Variants in EXD1 observed in about 807,000 individuals in gnomAD.
EXD1 encodes exonuclease 3'-5' domain containing 1.
EXD1 carries 63 observed loss-of-function variants against 49.1 expected under a neutral mutation model. The ratio of observed to expected loss-of-function variants is 1.28; its 90% confidence interval spans 1.05 to 1.58. The LOEUF is 1.58. EXD1 is among the 40% of genes most tolerant of loss of function. EXD1 has a pLI of 0.00. For synonymous variants in EXD1, 234 were observed against 239.2 expected (o/e 0.98, Z 0.20); for missense variants, 748 against 666.0 (o/e 1.12, Z -1.36).
At chr15:41,209,454 T>C (rs1157498525) in intron 7 of EXD1, 47 bp downstream of exon 7, 1 of 1,532,760 alleles carries the variant, frequency 6.5e-7, no homozygotes, top group South Asian at 1.2e-5. Flanking sequence ...AATCTACCAG[T>C]GGCTCTATAA....
In EXD1 at chr15:41,195,848, T is replaced by C; in HGVS notation, c.647A>G (p.His216Arg). 1.2e-6 allele frequency: 2 copies of C among 1,613,380 alleles called. No individual in the cohort carries two copies. Among genetic ancestry groups the C allele is most frequent in the African/African-American group, 1.3e-5 (1 of 74,978 alleles). Residue 216 changes from histidine (H) to arginine (R), a missense_variant, in exon 9 of 12, where the codon CAT (histidine) becomes CGT (arginine). By Grantham distance (29) the His-to-Arg change is conservative. Transcript: ENST00000458580. ...GCAATCAGAAAGCCAACGACAATCA[T>C]GGATAACCTAAGGAATCAGAAGGAA... ...LEDKRILKVIHDCRWLSDCLS... is the reference protein window; with the variant it reads ...LEDKRILKVIRDCRWLSDCLS...
At position 41,190,051 on chromosome 15, in the gene EXD1, C is replaced by T. The variant is rs1212091376; in HGVS notation, c.942G>A (p.Leu314=). Residue 314 remains leucine, a synonymous_variant, in exon 11 of 12, where the codon CTG becomes CTA. Coordinates refer to ENST00000458580, the MANE Select transcript of EXD1 (RefSeq NM_001286441.2). ...LKILALEATY[L]LPLRLALLDE... ...CTAGGAGTGCCAAGCGAAGGGGTAA[C>T]AGGTAGGTAGCTTCCAGGGCCAAAA... The T allele has an allele frequency of 3.1e-6, 5 of 1,614,106 alleles. No individual in the cohort carries two copies. Among genetic ancestry groups the T allele is most frequent in the Non-Finnish European group, 4.2e-6 (5 of 1,180,018 alleles).
chr15:41,184,658 C>CCT lies in EXD1; in HGVS notation c.1057-66_1057-65insAG, dbSNP rs111604343. 2.6e-3 allele frequency: 3,286 copies of CCT among 1,260,324 alleles called. 5 individuals are homozygous for CCT. Among genetic ancestry groups the CCT allele is most frequent in the Middle Eastern group, 6.0e-3 (24 of 3,972 alleles). 78.1% of individuals were successfully genotyped at this position (1,260,324 alleles called of 1,614,324 possible). On this transcript the variant is annotated intron_variant, in intron 11 of 11. Transcript: ENST00000458580. ...CTTCTGAATATGGTACTTAAAATCA[C>CCT]TTTTTTTTTTTTTTGAGATGGAGTC...
At chr15:41,221,722 C>G (rs2047091202) in intron 2 of EXD1, among the ~76,000 whole-genome samples, 1 of 151,948 alleles carries the variant, frequency 6.6e-6, no homozygotes, top group South Asian at 2.1e-4. Flanking sequence ...TTTGAATGAT[C>G]ATACCCACTT....
At chr15:41,191,173 G>A (rs1217666251) in intron 10 of EXD1, among the ~76,000 whole-genome samples, 7 of 152,014 alleles carry the variant, frequency 4.6e-5, no homozygotes, top group African/African-American at 9.7e-5. Flanking sequence ...TGATCCGCCC[G>A]CCTCAGCCTC....
In EXD1 at chr15:41,191,564, A is replaced by C; in HGVS notation, c.742T>G (p.Ser248Ala). 1 of 1,614,082 alleles carries C rather than the reference A, an allele frequency of 6.2e-7. No homozygotes were observed. Among genetic ancestry groups the C allele is most frequent in the Non-Finnish European group, 8.5e-7 (1 of 1,180,016 alleles). The change falls in exon 10 of 12, where the codon TCC (serine) becomes GCC (alanine). Residue 248 changes from serine to alanine, a missense_variant. Transcript: ENST00000458580. ...DTQVADVLQFSMETGGYLPNC... is the reference protein window; with the variant it reads ...DTQVADVLQFAMETGGYLPNC... Reference sequence around the variant, plus strand: ...GGAAGATAGCCACCCGTTTCCATGGAAAACTGAAGTACATCTGCTACCTGT... The same window carrying C: ...GGAAGATAGCCACCCGTTTCCATGGCAAACTGAAGTACATCTGCTACCTGT...
intron 6 of EXD1, among the ~76,000 whole-genome samples, 157 bp from the exon 7 acceptor site, chr15:41,209,744 CA>C (rs1177085446): frequency 2.0e-5 from 3 of 151,456 alleles, no homozygotes; most frequent in African/African-American, 7.3e-5. Context: ...CTGTTTTACA[CA>C]TGCAAATAAA....
At chr15:41,228,689 G>C (rs975000064) in intron 1 of EXD1, among the ~76,000 whole-genome samples, 1 of 152,052 alleles carries the variant, frequency 6.6e-6, no homozygotes, top group Non-Finnish European at 1.5e-5. Flanking sequence ...GCCCTTAATA[G>C]AGGCAAACAT....
In EXD1 at chr15:41,191,531, T is replaced by A; in HGVS notation, c.775A>T (p.Ile259Phe). The A allele has an allele frequency of 6.2e-7, 1 of 1,614,110 alleles. No homozygotes were observed. Among genetic ancestry groups the A allele is most frequent in the Non-Finnish European group, 8.5e-7 (1 of 1,179,952 alleles). The change falls in exon 10 of 12, where the codon ATC becomes TTC. Residue 259 changes from isoleucine (I) to phenylalanine (F), a missense_variant. Ile to Phe is a conservative substitution (Grantham distance 21, BLOSUM62 0). Coordinates refer to ENST00000458580, the MANE Select transcript of EXD1 (RefSeq NM_001286441.2). The part of the protein sequence containing the change: ...METGGYLPNC[I>F]TTLQESLIKH... ...ATTAAACTCTCCTGCAAAGTAGTGA[T>A]GCAGTTTGGAAGATAGCCACCCGTT...
Position 41,194,504 on chromosome 15 carries a change from G to T in EXD1, c.720+1271C>A, listed in dbSNP as rs2046580394. 5.3e-5 allele frequency among the ~76,000 whole-genome samples: 8 copies of T among 152,136 alleles called. 1 individual carries two copies. The highest frequency in any genetic ancestry group is 5.2e-4 in the Admixed American group (8 of 15,254). On this transcript the variant is annotated intron_variant, in intron 9 of 11. Transcript: ENST00000458580. ...AACTCTCTCTTCAGAAGAGCCTCTA[G>T]AAGAAATCAGCCCTGCAAGACACCT...
intron 6 of EXD1, among the ~76,000 whole-genome samples, chr15:41,210,150 A>G (rs77761340): frequency 0.16 from 24,532 of 152,110 alleles, 3,650 homozygotes; most frequent in African/African-American, 0.39. Flanking sequence ...CCTGACCTCA[A>G]GTGATCTACC....
chr15:41,200,407 C>T (rs1161836719), intron 7 of EXD1, among the ~76,000 whole-genome samples: 1 of 152,026 alleles, frequency 6.6e-6, no homozygotes, highest in Non-Finnish European at 1.5e-5. Context: ...CCTGTAGTCC[C>T]AGCTAGTCGG....
chr15:41,214,163 AAAAAC>A (rs1211903575), intron 6 of EXD1, among the ~76,000 whole-genome samples: 1 of 151,892 alleles, frequency 6.6e-6, no homozygotes, highest in South Asian at 2.1e-4. Context: ...ACTCCATCTC[AAAAAC>A]AAAACAAAAC....
intron 11 of EXD1, among the ~76,000 whole-genome samples, chr15:41,188,669 G>C (rs561204408): frequency 6.6e-6 from 1 of 151,888 alleles, no homozygotes; most frequent in Non-Finnish European, 1.5e-5. Context: ...TGGGATTACA[G>C]GTATGAGCCA....
At position 41,195,992 on chromosome 15, in the gene EXD1, C is replaced by G; in HGVS notation, c.580G>C (p.Gly194Arg). ...RVYLFDIFLL[G>R]SRAFHNGLQM... ...AGTCCATTGTGGAAAGCTCGACTTC[C>G]CAGAAGGAAAATGTCAAATAAGTAA... Residue 194 changes from glycine to arginine, a missense_variant, in exon 8 of 12, where the codon GGA (glycine) becomes CGA (arginine). Transcript: ENST00000458580. 6.2e-7 allele frequency: 1 copy of G among 1,613,196 alleles called. No homozygotes were observed.
chr15:41,199,433 A>C (rs1266474457), intron 7 of EXD1, among the ~76,000 whole-genome samples: 1 of 150,076 alleles, frequency 6.7e-6, no homozygotes, highest in Non-Finnish European at 1.5e-5. Flanking sequence ...CAAAAAAAAA[A>C]ACACAAAAGG....
At chr15:41,195,292 G>A (rs1319267729) in intron 9 of EXD1, among the ~76,000 whole-genome samples, 1 of 152,160 alleles carries the variant, frequency 6.6e-6, no homozygotes, top group Non-Finnish European at 1.5e-5. Context: ...GTCCCCTAGA[G>A]GACAGACAAA....
chr15:41,186,470 C>CAAAAAAAAAAAA (rs58793050), intron 11 of EXD1, among the ~76,000 whole-genome samples: 23,556 of 66,500 alleles, frequency 0.35, 5,316 homozygotes, highest in East Asian at 0.47. Context: ...GACTCTGTCT[C>CAAAAAAAAAAAA]AAAAAAAAAA....
intron 11 of EXD1, among the ~76,000 whole-genome samples, chr15:41,189,053 T>C (rs1021433639): frequency 1.3e-5 from 2 of 151,942 alleles, no homozygotes; most frequent in Non-Finnish European, 2.9e-5. Context: ...TATAGTTTTT[T>C]ATATCTCTCT....
Sources: allele counts gnomAD v4.1 joint callset (sites outside exome capture counted in the v4.1 genomes callset), GRCh38; gene constraint gnomAD v4.1.1; transcripts MANE v1.5; gene names NCBI Gene and HGNC (gene_info 2026-07-23, HGNC 2026-07-21).